The following TRPM7 variants were observed in gnomAD, a reference collection of about 807,000 sequenced individuals.
The protein encoded by TRPM7 is transient receptor potential cation channel subfamily M member 7.
Under a neutral mutation model 229.7 loss-of-function variants are expected in TRPM7, and 134 were observed. The ratio of observed to expected loss-of-function variants is 0.58; its 90% CI spans 0.51 to 0.67. The LOEUF (loss-of-function observed/expected upper bound fraction) is 0.67, where lower values mean the gene tolerates loss of function less well. TRPM7 is among the 30% of genes least tolerant of loss of function. The probability of loss-of-function intolerance (pLI) is 0.00; values close to 1 mark genes in which losing one functional copy is unlikely to be tolerated. For missense variants in TRPM7, 1,901 were observed against 2,210.0 expected, an observed-to-expected ratio of 0.86 and a Z score of 2.80; for synonymous variants, 699 against 715.2, an observed-to-expected ratio of 0.98 and a Z score of 0.36.
Position 50,590,005 on chromosome 15 carries a change from G to A in TRPM7, c.4325-349C>T, listed in dbSNP as rs142002065. On this transcript the variant is annotated intron_variant, in intron 26 of 38. Coordinates refer to ENST00000646667, the MANE Select transcript of TRPM7 (RefSeq NM_017672.6). ...CCTGAGTAGCTGGGACTACAGGCAC[G>A]TGCCACCATGCCTGACTAATTTTTG... is the stretch of plus-strand genomic sequence containing the variant. Among the ~76,000 whole-genome samples, 310 of 152,022 alleles carry A rather than the reference G, an allele frequency of 2.0e-3. 1 individual carries two copies. Among genetic ancestry groups the A allele is most frequent in the African/African-American group, 6.7e-3 (279 of 41,466 alleles).
intron 2 of TRPM7, among the ~76,000 whole-genome samples, chr15:50,661,805 T>C (rs979562082): frequency 6.6e-6 from 1 of 152,180 alleles, no homozygotes; most frequent in African/African-American, 2.4e-5. Context: ...ATCTTGCAAA[T>C]ACTTTTGTCA....
chr15:50,570,071 T>G (rs763835571), intron 37 of TRPM7, 33 bp downstream of exon 37: 2 of 1,597,424 alleles, frequency 1.3e-6, no homozygotes, highest in Non-Finnish European at 1.7e-6. Flanking sequence ...AAATGTGAAA[T>G]TATGCCTTAA....
chr15:50,609,748 C>A lies in TRPM7; in HGVS notation c.2437-24G>T, dbSNP rs1223784368. 3.2e-6 allele frequency: 5 copies of A among 1,560,840 alleles called. 1 individual carries two copies. The highest frequency in any genetic ancestry group is 2.8e-5 in the African/African-American group (2 of 72,000). On this transcript the variant is annotated intron_variant, in intron 18 of 38. Coordinates refer to ENST00000646667, the MANE Select transcript of TRPM7 (RefSeq NM_017672.6). ...TCCTAAAATTAAAAAAAAAAAAATT[C>A]TTTTGTACAATTATTCAGAACAAAC...
rs749635557 is a variant in TRPM7, at chr15:50,657,847, T to A, written c.84-28A>T. 12 of 1,591,810 alleles carry A rather than the reference T, an allele frequency of 7.5e-6. No individual in the cohort carries two copies. In the South Asian group the frequency reaches 1.4e-4, roughly 18 times the overall value. ...ATTGAACACAAAAAGGTAAATAAAT[T>A]ATTTCAGGTGAAAAACTTTCTGATT... On this transcript the variant is annotated intron_variant, in intron 2 of 38. Coordinates refer to ENST00000646667, the MANE Select transcript of TRPM7 (RefSeq NM_017672.6).
chr15:50,560,527 CAAAAGA>C lies in TRPM7; in HGVS notation c.*1145_*1150del, dbSNP rs1264948153. On this transcript the variant is annotated 3_prime_UTR_variant, in exon 39 of 39. Coordinates refer to ENST00000646667, the MANE Select transcript of TRPM7 (RefSeq NM_017672.6). ...AAAATTAAAATTAGTACCAAGGAAACAAAAGAAAAAGAAAAAAAAAGAAAAAAAATT... is the reference window on the plus strand; with the variant it reads ...AAAATTAAAATTAGTACCAAGGAAACAAAAGAAAAAAAAAGAAAAAAAATT... The C allele has an allele frequency of 2.1e-5, 3 of 144,320 alleles. No individual in the cohort carries two copies. The highest frequency in any genetic ancestry group is 4.6e-5 in the Non-Finnish European group (3 of 65,456). The allele number at this position is 144,320 out of a possible 1,614,324, so 8.9% of individuals were successfully genotyped here. A position where few individuals can be genotyped will look rare whatever the true frequency, so the allele number is the denominator to read the frequency against.
intron 28 of TRPM7, among the ~76,000 whole-genome samples, chr15:50,585,910 T>G (rs1450524972): frequency 6.6e-6 from 1 of 152,158 alleles, no homozygotes; most frequent in Non-Finnish European, 1.5e-5. Flanking sequence ...ATGAGAGGTA[T>G]AAGATTGTAC....
Position 50,575,139 on chromosome 15 carries a change from C to T in TRPM7, c.4736-4G>A. 6.4e-7 allele frequency: 1 copy of T among 1,556,686 alleles called. No individual in the cohort carries two copies. The highest frequency in any genetic ancestry group is 8.7e-7 in the Non-Finnish European group (1 of 1,150,850). On this transcript the variant is annotated splice_region_variant and splice_polypyrimidine_tract_variant and intron_variant, in intron 33 of 38. Transcript: ENST00000646667. ...CGATACACTGTGACAGGCTCCCCTG[C>T]AACACAAATGGAAAAAGTTTAAGAT... is the stretch of plus-strand genomic sequence containing the variant.
At chr15:50,582,075 G>A (rs1208891708) in intron 29 of TRPM7, among the ~76,000 whole-genome samples, 1 of 152,120 alleles carries the variant, frequency 6.6e-6, no homozygotes, top group African/African-American at 2.4e-5. Context: ...AGACTCTCCT[G>A]CTTCAGCCTC....
chr15:50,624,402 C>G lies in TRPM7; in HGVS notation c.1306-102G>C, dbSNP rs903915163. ...GGATTTACATTTAATTTGTTCCCAA[C>G]AGTTTTAGAACAAAATTAGAAAGAT... On this transcript the variant is annotated intron_variant, in intron 11 of 38. Coordinates refer to ENST00000646667, the MANE Select transcript of TRPM7 (RefSeq NM_017672.6). The G allele has an allele frequency of 6.6e-6, 7 of 1,053,764 alleles. No homozygotes were observed. The African/African-American group carries it at 9.8e-5, about 15-fold the overall frequency. 65.3% of individuals were successfully genotyped at this position (1,053,764 alleles called of 1,614,324 possible). A position where few individuals can be genotyped will look rare whatever the true frequency, so the allele number is the denominator to read the frequency against.
At chr15:50,633,953 CATTTTCATGTTCATAAA>C (rs2140678752) in intron 8 of TRPM7, among the ~76,000 whole-genome samples, 1 of 152,278 alleles carries the variant, frequency 6.6e-6, no homozygotes, top group South Asian at 2.1e-4. Flanking sequence ...TTAAACTTAA[CATTTTCATGTTCATAAA>C]ACACAGGGAG....
chr15:50,585,381 C>T (rs1322472646), intron 28 of TRPM7, among the ~76,000 whole-genome samples: 1 of 152,150 alleles, frequency 6.6e-6, no homozygotes. Flanking sequence ...ATTTTACTTG[C>T]TTTACTGCTC....
intron 20 of TRPM7, among the ~76,000 whole-genome samples, chr15:50,606,941 A>T (rs2059932797): frequency 8.5e-5 from 13 of 152,098 alleles, no homozygotes; most frequent in Non-Finnish European, 1.5e-5. Context: ...ACAAACAAAC[A>T]AAATACAGGT....
intron 1 of TRPM7, among the ~76,000 whole-genome samples, chr15:50,667,237 C>G (rs564228556): frequency 6.6e-6 from 1 of 152,218 alleles, no homozygotes; most frequent in African/African-American, 2.4e-5. Flanking sequence ...ATTACTAGGC[C>G]CTAGAAACTG....
chr15:50,605,911 G>T (rs1295430068), intron 20 of TRPM7, among the ~76,000 whole-genome samples: 1 of 151,390 alleles, frequency 6.6e-6, no homozygotes, highest in African/African-American at 2.4e-5. Context: ...TATCTAATAA[G>T]AAATTCCTTC....
intron 22 of TRPM7, 86 bp downstream of exon 22, chr15:50,599,036 G>A: frequency 9.4e-7 from 1 of 1,064,040 alleles, no homozygotes; most frequent in South Asian, 1.8e-5. Flanking sequence ...TTTGACTTCT[G>A]AAAATATGCA....
chr15:50,635,648 G>A (rs2060875778), intron 7 of TRPM7, among the ~76,000 whole-genome samples: 2 of 119,736 alleles, frequency 1.7e-5, no homozygotes, highest in South Asian at 5.5e-4. Flanking sequence ...GAGCAACAGA[G>A]CAAGACTCCA....
At chr15:50,573,091 CTTTTA>C (rs761339097) in intron 36 of TRPM7, among the ~76,000 whole-genome samples, 33 of 152,074 alleles carry the variant, frequency 2.2e-4, no homozygotes, top group African/African-American at 4.1e-4. Context: ...AGTCTTTTTT[CTTTTA>C]TATGTATGAA....
chr15:50,568,102 ACT>A (rs1418441796), intron 38 of TRPM7, among the ~76,000 whole-genome samples: 2 of 98,306 alleles, frequency 2.0e-5, no homozygotes, highest in East Asian at 2.8e-4. Context: ...AAAGAGCGAG[ACT>A]CTGTCTCAAA....
At chr15:50,657,184 C>T (rs2061597365) in intron 3 of TRPM7, among the ~76,000 whole-genome samples, 1 of 152,054 alleles carries the variant, frequency 6.6e-6, no homozygotes, top group South Asian at 2.1e-4. Context: ...ATTAGCCGGG[C>T]ATGGTGGCGC....
Sources: allele counts gnomAD v4.1 joint callset (sites outside exome capture counted in the v4.1 genomes callset), GRCh38; gene constraint gnomAD v4.1.1; transcripts MANE v1.5; gene names NCBI Gene and HGNC (gene_info 2026-07-23, HGNC 2026-07-21).